The following EFHB variants were observed in gnomAD, a reference collection of about 807,000 sequenced individuals.
The protein encoded by EFHB is EF-hand domain family member B, also known as EF-hand domain-containing family member B.
Under a neutral mutation model 87.2 loss-of-function variants are expected in EFHB, and 91 were observed. The ratio of observed to expected loss-of-function variants is 1.04; its 90% CI spans 0.88 to 1.24. The LOEUF is 1.24. Among genes scored for constraint, EFHB ranks in the 50% most tolerant of loss-of-function variants. The pLI is 0.00. For synonymous variants in EFHB, 325 were observed against 333.6 expected, an observed-to-expected ratio of 0.97 and a Z score of 0.28; for missense variants, 1,084 against 998.8, an observed-to-expected ratio of 1.09 and a Z score of -1.15.
intron 9 of EFHB, chr3:19,894,360 A>G (rs918014194): frequency 2.6e-5 from 4 of 152,180 alleles, no homozygotes; most frequent in Admixed American, 6.5e-5. Context: ...CACTACTGCT[A>G]CCCAATGTGT....
At chr3:19,940,870 C>T (rs1372641082) in intron 1 of EFHB, 1 of 360,770 alleles carries the variant, frequency 2.8e-6, no homozygotes, top group African/African-American at 2.1e-5. Context: ...TGAATAAGCA[C>T]ATCAGGCTGC....
intron 9 of EFHB, among the ~76,000 whole-genome samples, chr3:19,889,160 C>G (rs1264580682): frequency 6.6e-6 from 1 of 152,142 alleles, no homozygotes; most frequent in Non-Finnish European, 1.5e-5. Flanking sequence ...AAAAGTCTCA[C>G]CTCCTTTCAG....
chr3:19,880,436 G>A (rs1050900289), intron 12 of EFHB, among the ~76,000 whole-genome samples: 7 of 151,910 alleles, frequency 4.6e-5, no homozygotes, highest in Admixed American at 1.3e-4. Flanking sequence ...ATTTGTAGTA[G>A]AGATGAAGTT....
At chr3:19,940,645 T>C (rs1047929338) in intron 1 of EFHB, 2 of 388,594 alleles carry the variant, frequency 5.1e-6, no homozygotes. Flanking sequence ...TTTAATGTCT[T>C]TCTTGCTAAA....
chr3:19,933,099 G>A, intron 1 of EFHB, 131 bp downstream of exon 1: 1 of 1,174,436 alleles, frequency 8.5e-7, no homozygotes, highest in Non-Finnish European at 1.2e-6. Context: ...AGTGGGGCAA[G>A]AAATATAGGA....
chr3:19,943,948 T>A (rs1361805211), intron 1 of EFHB, among the ~76,000 whole-genome samples: 1 of 152,250 alleles, frequency 6.6e-6, no homozygotes, highest in Non-Finnish European at 1.5e-5. Context: ...AACAGACTAC[T>A]TCGATATGTA....
chr3:19,916,440 G>C (rs1035570494), intron 4 of EFHB, among the ~76,000 whole-genome samples: 1 of 151,980 alleles, frequency 6.6e-6, no homozygotes, highest in Admixed American at 6.6e-5. Flanking sequence ...GCTTGAACCT[G>C]GGAGGCAGAG....
In EFHB at chr3:19,905,621, T is replaced by C; in HGVS notation, c.1417A>G (p.Met473Val). 1 of 1,613,414 alleles carries C rather than the reference T, an allele frequency of 6.2e-7. No individual in the cohort carries two copies. The highest frequency in any genetic ancestry group is 8.5e-7 in the Non-Finnish European group (1 of 1,179,502). Reference sequence around the variant, plus strand: ...TGGGCACAGTATAATTAAACTTACATTTGTAGTTCATGGAGCCAATATAGA... The same window carrying C: ...TGGGCACAGTATAATTAAACTTACACTTGTAGTTCATGGAGCCAATATAGA... ...KSLYWLHELQ[M>V]KRGAKFVSKR... Residue 473 changes from methionine (M) to valine (V), a missense_variant and splice_region_variant, in exon 6 of 13, where the codon ATG becomes GTG. Physicochemically the swap from Met to Val is conservative, Grantham distance 21. Coordinates refer to ENST00000295824, the MANE Select transcript of EFHB (RefSeq NM_144715.4).
In EFHB at chr3:19,907,078, C is replaced by G. The variant is rs559042320; in HGVS notation, c.1289-1329G>C. 1.1e-4 allele frequency among the ~76,000 whole-genome samples: 16 copies of G among 149,930 alleles called. No homozygotes were observed. The South Asian group carries it at 3.4e-3, about 32-fold the overall frequency. ...AAAAACTAAACGTTAAGACCTGAAA[C>G]CATAAAACTCATAGAAGAAAAAATA... is the stretch of plus-strand genomic sequence containing the variant. On this transcript the variant is annotated intron_variant, in intron 5 of 12. Transcript: ENST00000295824.
Position 19,913,694 on chromosome 3 carries a change from T to A in EFHB, c.1288+1609A>T, listed in dbSNP as rs188964595. Among the ~76,000 whole-genome samples, 11 of 152,190 alleles carry A rather than the reference T, an allele frequency of 7.2e-5. No homozygotes were observed. The East Asian group carries it at 9.7e-4, about 13-fold the overall frequency. The stretch of plus-strand genomic sequence containing the variant: ...TCCTTCACACAAATATTTTAAAAAA[T>A]CCTAAAGTGTATATGAAACCACAAA... On this transcript the variant is annotated intron_variant, in intron 5 of 12. Coordinates refer to ENST00000295824, the MANE Select transcript of EFHB (RefSeq NM_144715.4).
Position 19,945,241 on chromosome 3 carries a change from G to A in EFHB, c.-32+1678C>T, listed in dbSNP as rs1696244831. On this transcript the variant is annotated intron_variant, in intron 1 of 14. Transcript: ENST00000344838. The stretch of plus-strand genomic sequence containing the variant: ...TCAGGGAACAAATAAAGAGTATGGG[G>A]AGAGGAATTCTATAGAAATAGAATG... Among the ~76,000 whole-genome samples, 3 of 152,216 alleles carry A rather than the reference G, an allele frequency of 2.0e-5. No individual in the cohort carries two copies. In the South Asian group the frequency reaches 6.2e-4, roughly 32 times the overall value.
At position 19,933,173 on chromosome 3, in the gene EFHB, C is replaced by T. The variant is rs539293934; in HGVS notation, c.789+57G>A. On this transcript the variant is annotated intron_variant, in intron 1 of 12. Coordinates refer to ENST00000295824, the MANE Select transcript of EFHB (RefSeq NM_144715.4). ...AACAAATTTTATCACTTTATCATCT[C>T]AATAAAGACATGGCTATACACAGTT... 24 of 1,502,866 alleles carry T rather than the reference C, an allele frequency of 1.6e-5. No individual in the cohort carries two copies. The African/African-American group carries it at 2.9e-4, about 18-fold the overall frequency. The allele number at this position is 1,502,866 out of a possible 1,614,324, so 93.1% of individuals were successfully genotyped here. A position where few individuals can be genotyped will look rare whatever the true frequency, so the allele number is the denominator to read the frequency against.
At chr3:19,885,222 C>CAA (rs11395084) in intron 10 of EFHB, among the ~76,000 whole-genome samples, 95 of 93,718 alleles carry the variant, frequency 1.0e-3, no homozygotes, top group African/African-American at 1.3e-3. Context: ...GACTTCGTCT[C>CAA]AAAAAAAAAA....
chr3:19,932,560 C>G (rs1488451485), intron 1 of EFHB, among the ~76,000 whole-genome samples: 1 of 152,198 alleles, frequency 6.6e-6, no homozygotes, highest in African/African-American at 2.4e-5. Flanking sequence ...ATACTGACAC[C>G]TTTCGATGTT....
intron 1 of EFHB, among the ~76,000 whole-genome samples, chr3:19,928,735 G>A (rs1381694074): frequency 1.3e-5 from 2 of 152,096 alleles, no homozygotes; most frequent in East Asian, 1.9e-4. Context: ...GTGAGCCACC[G>A]TGCCCGTCCA....
In EFHB at chr3:19,882,642, C is replaced by A; in HGVS notation, c.2236G>T (p.Glu746Ter). ...TATAGTAGTGAATATGCACTACCTT[C>A]TTCACCATAATTAGTTCTGTCACTG... ...RISDRTNYGE[E>*]GSAYSLLYPT... The change falls in exon 12 of 13, where the codon GAA becomes TAA. Residue 746 changes from glutamate (E) to a stop codon, truncating the protein, a stop_gained. Transcript: ENST00000295824. LOFTEE classifies it high-confidence loss of function. 2 of 1,613,712 alleles carry A rather than the reference C, an allele frequency of 1.2e-6. No individual in the cohort carries two copies. Among genetic ancestry groups the A allele is most frequent in the East Asian group, 4.5e-5 (2 of 44,868 alleles).
At chr3:19,945,507 G>T (rs1696253793) in intron 1 of EFHB, among the ~76,000 whole-genome samples, 1 of 152,120 alleles carries the variant, frequency 6.6e-6, no homozygotes, top group Non-Finnish European at 1.5e-5. Context: ...GAAGAAAGAG[G>T]TGAAGCTGAT....
At chr3:19,889,527 T>G (rs1694229559) in intron 9 of EFHB, among the ~76,000 whole-genome samples, 2 of 152,210 alleles carry the variant, frequency 1.3e-5, no homozygotes, top group South Asian at 4.1e-4. Flanking sequence ...AAGCTCTTAC[T>G]GCCCAGGACT....
intron 1 of EFHB, among the ~76,000 whole-genome samples, chr3:19,932,382 A>C (rs73190462): frequency 0.03 from 4,612 of 152,186 alleles, 235 homozygotes; most frequent in African/African-American, 0.1. Flanking sequence ...TTTTATCCCT[A>C]TATTCTGGGC....
Sources: gnomAD v4.1 joint callset for allele counts (sites outside exome capture counted in the v4.1 genomes callset) on GRCh38, gnomAD v4.1.1 for gene constraint, MANE v1.5 for transcripts, NCBI Gene and HGNC (gene_info 2026-07-23, HGNC 2026-07-21) for gene names.